Variants in ADGRB3 observed in about 807,000 individuals in gnomAD.
ADGRB3 encodes the protein brain-specific angiogenesis inhibitor 3.
Under a neutral mutation model 193.4 loss-of-function variants are expected in ADGRB3, and 37 were observed. That is an observed-to-expected ratio of 0.19 (90% CI 0.15 to 0.25). ADGRB3 has a LOEUF of 0.25. Among genes scored for constraint, ADGRB3 ranks in the 10% least tolerant of loss-of-function variants. The pLI is 1.00. For synonymous variants in ADGRB3, 690 were observed against 644.2 expected (o/e 1.07, Z -1.08); for missense variants, 1,637 against 1,852.9 (o/e 0.88, Z 2.14).
chr6:68,774,248 C>T (rs1766694886), intron 3 of ADGRB3, among the ~76,000 whole-genome samples: 1 of 151,154 alleles, frequency 6.6e-6, no homozygotes, highest in African/African-American at 2.4e-5. Flanking sequence ...GTCTTTGGTT[C>T]TAAGAAAGGA....
At chr6:69,006,618 G>T (rs771528159) in intron 11 of ADGRB3, among the ~76,000 whole-genome samples, 3 of 151,182 alleles carry the variant, frequency 2.0e-5, no homozygotes, top group Admixed American at 6.6e-5. Context: ...CAATTCTCCT[G>T]CCTTAGCCTC....
intron 3 of ADGRB3, among the ~76,000 whole-genome samples, chr6:68,774,803 A>G (rs1766706366): frequency 6.6e-6 from 1 of 152,098 alleles, no homozygotes; most frequent in Non-Finnish European, 1.5e-5. Flanking sequence ...ATGGAGTTTA[A>G]AACAGTAAGA....
chr6:68,909,570 T>G (rs1220372406), intron 3 of ADGRB3, among the ~76,000 whole-genome samples: 10 of 152,188 alleles, frequency 6.6e-5, no homozygotes, highest in African/African-American at 2.4e-4. Context: ...TGTTGTCACT[T>G]CAGAACAAAA....
At chr6:68,737,295 A>G (rs1047808393) in intron 3 of ADGRB3, among the ~76,000 whole-genome samples, 10 of 152,102 alleles carry the variant, frequency 6.6e-5, no homozygotes, top group Admixed American at 2.0e-4. Flanking sequence ...TTTGTTATTT[A>G]GTAGGGAAAA....
At chr6:69,210,198 T>C (rs1231458357) in intron 17 of ADGRB3, among the ~76,000 whole-genome samples, 2 of 105,282 alleles carry the variant, frequency 1.9e-5, no homozygotes, top group African/African-American at 8.0e-5. Flanking sequence ...TATTAACTCA[T>C]GATCACAAGG....
chr6:69,238,646 C>G (rs998209747), intron 19 of ADGRB3, among the ~76,000 whole-genome samples: 2 of 151,794 alleles, frequency 1.3e-5, no homozygotes, highest in African/African-American at 4.8e-5. Flanking sequence ...GTAATGGTAT[C>G]CTTCTAGTAA....
chr6:69,186,687 C>T (rs1213997023), intron 17 of ADGRB3, among the ~76,000 whole-genome samples: 1 of 151,958 alleles, frequency 6.6e-6, no homozygotes, highest in Non-Finnish European at 1.5e-5. Flanking sequence ...AACTTTGAAC[C>T]AAAAATCTGC....
At chr6:68,896,424 G>A (rs1265017859) in intron 3 of ADGRB3, among the ~76,000 whole-genome samples, 1 of 151,994 alleles carries the variant, frequency 6.6e-6, no homozygotes, top group Non-Finnish European at 1.5e-5. Context: ...TTATAGAGGA[G>A]AAAAATAGCT....
intron 17 of ADGRB3, among the ~76,000 whole-genome samples, chr6:69,180,015 C>T (rs999244809): frequency 3.3e-5 from 5 of 152,180 alleles, no homozygotes; most frequent in Non-Finnish European, 7.3e-5. Flanking sequence ...ACCTGCAGGT[C>T]CCCCAGTGGC....
intron 13 of ADGRB3, among the ~76,000 whole-genome samples, chr6:69,043,235 GAGAA>G (rs1274266960): frequency 8.0e-6 from 1 of 125,548 alleles, no homozygotes; most frequent in Admixed American, 8.4e-5. Flanking sequence ...AAGAAGGAAG[GAGAA>G]AGAAAGAAGA....
At chr6:68,655,786 A>G (rs1193163877) in intron 3 of ADGRB3, among the ~76,000 whole-genome samples, 1 of 151,652 alleles carries the variant, frequency 6.6e-6, no homozygotes. Flanking sequence ...TGATTGCCCC[A>G]AATGATGGTT....
chr6:69,284,031 G>C (rs1421836799), intron 20 of ADGRB3, among the ~76,000 whole-genome samples: 4 of 152,096 alleles, frequency 2.6e-5, no homozygotes, highest in Non-Finnish European at 5.9e-5. Flanking sequence ...GCCCTGGAAC[G>C]ATGCCTCTTT....
At chr6:69,117,550 T>C (rs966871192) in intron 17 of ADGRB3, among the ~76,000 whole-genome samples, 1 of 152,218 alleles carries the variant, frequency 6.6e-6, no homozygotes, top group Admixed American at 6.5e-5. Context: ...GTAAGCCAAA[T>C]TCTTGGAGGC....
At chr6:68,657,587 T>A (rs1768521239) in intron 3 of ADGRB3, among the ~76,000 whole-genome samples, 1 of 151,424 alleles carries the variant, frequency 6.6e-6, no homozygotes, top group African/African-American at 2.4e-5. Flanking sequence ...GGCCATGGTT[T>A]TGTTCTGATG....
rs1054313893 is a variant in ADGRB3 at position 69,233,337 on chromosome 6, T to C, written c.2528T>C (p.Leu843Pro). The C allele has an allele frequency of 1.2e-6, 2 of 1,614,118 alleles. No individual in the cohort carries two copies. Among genetic ancestry groups the C allele is most frequent in the Non-Finnish European group, 1.7e-6 (2 of 1,180,018 alleles). Reference protein sequence around the residue: ...TWSTQGCKTVLTDASHTKCLC... With the variant: ...TWSTQGCKTVPTDASHTKCLC... ...TCCACCCAGGGATGTAAAACTGTGC[T>C]TACCGATGCATCCCATACGAAATGC... Residue 843 changes from leucine (L) to proline (P), a missense_variant, in exon 18 of 32, where the codon CTT becomes CCT. Leu to Pro is a moderately conservative substitution (Grantham distance 98). Coordinates refer to ENST00000370598, the MANE Select transcript of ADGRB3 (RefSeq NM_001704.3).
At chr6:68,746,509 A>C (rs988415652) in intron 3 of ADGRB3, among the ~76,000 whole-genome samples, 3 of 152,118 alleles carry the variant, frequency 2.0e-5, no homozygotes, top group Non-Finnish European at 4.4e-5. Context: ...TCATAATTAG[A>C]ATCCTGTTTC....
At chr6:68,748,815 C>T (rs1766135603) in intron 3 of ADGRB3, among the ~76,000 whole-genome samples, 1 of 152,226 alleles carries the variant, frequency 6.6e-6, no homozygotes, top group Non-Finnish European at 1.5e-5. Flanking sequence ...AGGACCCCGC[C>T]CCTGCAACAA....
At chr6:68,684,895 T>C (rs1764955210) in intron 3 of ADGRB3, among the ~76,000 whole-genome samples, 1 of 152,060 alleles carries the variant, frequency 6.6e-6, no homozygotes, top group South Asian at 2.1e-4. Context: ...TGGGGTAACA[T>C]GATGGACAAA....
At chr6:68,846,962 G>A (rs1425863141) in intron 3 of ADGRB3, among the ~76,000 whole-genome samples, 1 of 152,188 alleles carries the variant, frequency 6.6e-6, no homozygotes, top group South Asian at 2.1e-4. Context: ...GAGGGAGGCT[G>A]TACCATGCAA....
Sources: allele counts gnomAD v4.1 joint callset (sites outside exome capture counted in the v4.1 genomes callset), GRCh38; gene constraint gnomAD v4.1.1; transcripts MANE v1.5; gene names NCBI Gene and HGNC (gene_info 2026-07-23, HGNC 2026-07-21).